SLC18A1: variants seen among roughly 807,000 people sequenced by gnomAD.
SLC18A1 encodes chromaffin granule amine transporter.
In SLC18A1, 69 loss-of-function variants were observed where a neutral mutation model predicts 53.7. The ratio of observed to expected loss-of-function variants is 1.28; its 90% confidence interval spans 1.06 to 1.57. The LOEUF (loss-of-function observed/expected upper bound fraction) is 1.57. Ranked by LOEUF, SLC18A1 falls within the 40% of genes most tolerant of loss-of-function variation. The pLI, the probability that SLC18A1 is intolerant of heterozygous loss-of-function variation, is 0.00. For missense variants in SLC18A1, 932 were observed against 668.1 expected, an observed-to-expected ratio of 1.40 and a Z score of -4.35; for synonymous variants, 320 against 248.1, an observed-to-expected ratio of 1.29 and a Z score of -2.72.
At position 20,153,409 on chromosome 8, in the gene SLC18A1, G is replaced by A. The variant is rs576873587; in HGVS notation, c.1016-2665C>T. 7.2e-5 allele frequency among the ~76,000 whole-genome samples: 11 copies of A among 152,086 alleles called. No homozygotes were observed. In the South Asian group the frequency reaches 2.3e-3, roughly 32 times the overall value. ...GAAGTGAGGACAGGCTGGGCGCTGTGGCTCACGCCTGTAATCCCAGCACTT... is the reference window on the plus strand; with the variant it reads ...GAAGTGAGGACAGGCTGGGCGCTGTAGCTCACGCCTGTAATCCCAGCACTT... On this transcript the variant is annotated intron_variant, in intron 10 of 15. Transcript: ENST00000276373.
chr8:20,178,239 C>G (rs577284493), intron 4 of SLC18A1, among the ~76,000 whole-genome samples, 196 bp downstream of exon 4: 1 of 152,000 alleles, frequency 6.6e-6, no homozygotes, highest in South Asian at 2.1e-4. Flanking sequence ...CAGAATAGAC[C>G]AATTCCAACT....
At chr8:20,170,836 T>TAG (rs1554538963) in intron 8 of SLC18A1, among the ~76,000 whole-genome samples, 32 of 151,320 alleles carry the variant, frequency 2.1e-4, no homozygotes, top group Non-Finnish European at 4.3e-4. Context: ...GTGTCGAATA[T>TAG]ATAGATAGAT....
At chr8:20,182,153 A>G (rs2072444897) in intron 1 of SLC18A1, among the ~76,000 whole-genome samples, 1 of 152,124 alleles carries the variant, frequency 6.6e-6, no homozygotes, top group Admixed American at 6.6e-5. Context: ...CCATCATGAA[A>G]TCTATCAGGC....
At chr8:20,147,457 G>A (rs1392194088) in intron 14 of SLC18A1, 66 bp from the exon 15 acceptor site, 5 of 1,579,402 alleles carry the variant, frequency 3.2e-6, no homozygotes, top group African/African-American at 1.3e-5. Flanking sequence ...CTCCACGTAG[G>A]ACACTATGCT....
intron 10 of SLC18A1, among the ~76,000 whole-genome samples, chr8:20,152,901 G>C (rs73669729): frequency 0.057 from 8,623 of 152,186 alleles, 638 homozygotes; most frequent in East Asian, 0.28. Context: ...TTAAAGAGAA[G>C]ACTGGGAATG....
chr8:20,181,214 T>A (rs1448274330), intron 1 of SLC18A1, 127 bp from the exon 2 acceptor site: 12 of 338,692 alleles, frequency 3.5e-5, no homozygotes, highest in Non-Finnish European at 6.5e-5. Flanking sequence ...AATGCCTTCC[T>A]GGTAAGCATC....
chr8:20,180,865 C>T lies in SLC18A1; in HGVS notation c.100G>A (p.Asp34Asn), dbSNP rs1266198814. 4 of 1,614,010 alleles carry T rather than the reference C, an allele frequency of 2.5e-6. No individual in the cohort carries two copies. Among genetic ancestry groups the T allele is most frequent in the East Asian group, 2.2e-5 (1 of 44,872 alleles). The change falls in exon 2 of 16, where the codon GAC becomes AAC. Residue 34 changes from aspartate to asparagine, a missense_variant. Asp to Asn is a conservative substitution (Grantham distance 23). Coordinates refer to ENST00000276373, the MANE Select transcript of SLC18A1 (RefSeq NM_003053.4). ...CCCACCACAGTAAACAGCATGTTGT[C>T]CAGGAGCAAAGCGACGAATACCACC... Reference protein sequence around the residue: ...LVVVFVALLLDNMLFTVVVPI... With the variant: ...LVVVFVALLLNNMLFTVVVPI...
intron 1 of SLC18A1, among the ~76,000 whole-genome samples, chr8:20,182,401 A>G (rs1230857201): frequency 6.6e-6 from 1 of 152,240 alleles, no homozygotes; most frequent in African/African-American, 2.4e-5. Context: ...CGTTAAGTAA[A>G]AAAGGGAAAT....
At chr8:20,176,466 C>G (rs1278787033) in intron 4 of SLC18A1, among the ~76,000 whole-genome samples, 1 of 152,202 alleles carries the variant, frequency 6.6e-6, no homozygotes, top group Non-Finnish European at 1.5e-5. Flanking sequence ...GCTAAATGGA[C>G]TAAGACACCC....
chr8:20,164,476 C>CTCTTGAACTAGATTTCTCTTGAA (rs1363856763), intron 10 of SLC18A1, among the ~76,000 whole-genome samples: 2 of 152,120 alleles, frequency 1.3e-5, no homozygotes, highest in African/African-American at 4.8e-5. Flanking sequence ...ATTTATTCAT[C>CTCTTGAACTAGATTTCTCTTGAA]CAATTTCTCT....
chr8:20,168,475 C>T (rs1350989356), intron 8 of SLC18A1, among the ~76,000 whole-genome samples: 1 of 152,086 alleles, frequency 6.6e-6, no homozygotes, highest in East Asian at 1.9e-4. Flanking sequence ...TTTTTGTGAA[C>T]ATAATCACAT....
intron 5 of SLC18A1, among the ~76,000 whole-genome samples, chr8:20,173,530 A>T (rs747523382): frequency 3.9e-5 from 6 of 152,210 alleles, no homozygotes; most frequent in Admixed American, 6.5e-5. Context: ...AGAGCAGGAA[A>T]GCACTGCAGA....
At chr8:20,177,534 A>G (rs1241189335) in intron 4 of SLC18A1, among the ~76,000 whole-genome samples, 1 of 152,230 alleles carries the variant, frequency 6.6e-6, no homozygotes, top group Non-Finnish European at 1.5e-5. Context: ...GATATACCTA[A>G]TGTAAATGAT....
intron 10 of SLC18A1, among the ~76,000 whole-genome samples, chr8:20,160,320 T>C (rs1057367475): frequency 7.3e-5 from 11 of 150,198 alleles, no homozygotes; most frequent in Non-Finnish European, 1.6e-4. Flanking sequence ...TTGACATCAT[T>C]TTAAATGGTG....
rs1563722237 is a variant in SLC18A1 at position 20,149,612 on chromosome 8, C to CTG, written c.1146+63_1146+64insCA. The CTG allele has an allele frequency of 7.0e-6, 9 of 1,279,766 alleles. No homozygotes were observed. In the African/African-American group the frequency reaches 1.2e-4, roughly 17 times the overall value. The allele number at this position is 1,279,766 out of a possible 1,614,324, so 79.3% of individuals were successfully genotyped here. On this transcript the variant is annotated intron_variant, in intron 12 of 15. Transcript: ENST00000276373. ...TCCCTCTCTCTCTCTCTCTCTCTCT[C>CTG]TCTCTGTCTGTCTGTCTCTCGCTCT...
At chr8:20,149,581 T>TCTCC (rs1226071216) in intron 12 of SLC18A1, 95 bp downstream of exon 12, 1,066 of 999,962 alleles carry the variant, frequency 1.1e-3, no homozygotes, top group East Asian at 7.2e-3. Context: ...TTTCTCTCTC[T>TCTCC]CTCTCTCCCT....
chr8:20,173,272 G>A (rs1441694364), intron 5 of SLC18A1, 144 bp from the exon 6 acceptor site: 1 of 644,888 alleles, frequency 1.6e-6, no homozygotes, highest in Non-Finnish European at 2.7e-6. Context: ...TTAACCCGTA[G>A]TATTTTTCAA....
intron 10 of SLC18A1, among the ~76,000 whole-genome samples, chr8:20,154,465 C>A (rs150844535): frequency 6.6e-6 from 1 of 151,990 alleles, no homozygotes; most frequent in East Asian, 1.9e-4. Flanking sequence ...TGTAATCTAA[C>A]GACATGACAT....
At chr8:20,166,289 CTATATATATATA>C (rs1181101416) in intron 8 of SLC18A1, among the ~76,000 whole-genome samples, 5 of 107,256 alleles carry the variant, frequency 4.7e-5, no homozygotes, top group African/African-American at 6.9e-5. Flanking sequence ...GTGTGTGTGT[CTATATATATATA>C]TATATATATA....
Sources: allele counts gnomAD v4.1 joint callset (sites outside exome capture counted in the v4.1 genomes callset), GRCh38; gene constraint gnomAD v4.1.1; transcripts MANE v1.5; gene names NCBI Gene and HGNC (gene_info 2026-07-23, HGNC 2026-07-21).